GMCL1: variants seen among roughly 807,000 people sequenced by gnomAD.
GMCL1 encodes the protein germ cell-less protein-like 1.
A neutral mutation model predicts 75.5 loss-of-function variants in GMCL1; 54 were observed. The ratio of observed to expected loss-of-function variants is 0.71; its 90% CI spans 0.57 to 0.90. GMCL1 has a LOEUF of 0.90. Ranked by LOEUF, GMCL1 falls within the 40% of genes least tolerant of loss-of-function variation. The pLI, the probability that GMCL1 is intolerant of heterozygous loss-of-function variation, is 0.00. For synonymous variants in GMCL1, 210 were observed against 209.6 expected, an observed-to-expected ratio of 1.00 and a Z score of -0.02; for missense variants, 537 against 622.7, an observed-to-expected ratio of 0.86 and a Z score of 1.47.
chr2:69,829,927 CAA>C lies in GMCL1; in HGVS notation c.36_37del (p.Arg13ThrfsTer52). The C allele has an allele frequency of 6.2e-7, 1 of 1,604,800 alleles. No individual in the cohort carries two copies. Among genetic ancestry groups the C allele is most frequent in the Non-Finnish European group, 8.5e-7 (1 of 1,175,890 alleles). ...TTGAGCAGCCGGGTGCTGCGCCAGC[CAA>C]GACCAGCCCTTGCCCAGCAGGCGCA... On this transcript the variant is annotated frameshift_variant, in exon 1 of 14. Coordinates refer to ENST00000282570, the MANE Select transcript of GMCL1 (RefSeq NM_178439.5). LOFTEE classifies it high-confidence loss of function.
chr2:69,838,906 C>T (rs1674900403), intron 2 of GMCL1, among the ~76,000 whole-genome samples: 1 of 152,166 alleles, frequency 6.6e-6, no homozygotes. Context: ...TACTCAGTAA[C>T]ATTTTTAAAT....
chr2:69,848,146 G>A (rs1675208082), intron 7 of GMCL1, among the ~76,000 whole-genome samples: 1 of 152,190 alleles, frequency 6.6e-6, no homozygotes, highest in South Asian at 2.1e-4. Context: ...CATGTAGATA[G>A]TGAGACTCAG....
intron 1 of GMCL1, among the ~76,000 whole-genome samples, chr2:69,835,263 A>G (rs1674786207): frequency 6.6e-6 from 1 of 152,068 alleles, no homozygotes. Flanking sequence ...AAATTTCAGT[A>G]ATCATGTCTT....
In GMCL1 at chr2:69,880,084, A is replaced by G. The variant is rs538478222; in HGVS notation, c.*1080A>G. 102 of 152,330 alleles carry G rather than the reference A, an allele frequency of 6.7e-4. No individual in the cohort carries two copies. The highest frequency in any genetic ancestry group is 2.4e-3 in the African/African-American group (100 of 41,582). The allele number at this position is 152,330 out of a possible 1,614,324, so 9.4% of individuals were successfully genotyped here. On this transcript the variant is annotated 3_prime_UTR_variant, in exon 14 of 14. Transcript: ENST00000282570. ...GTCAAAAATGAGATGTACACTTGTC[A>G]TGATTTATGTATGTTGACCTTTTGT...
At chr2:69,851,985 C>T (rs1675331593) in intron 8 of GMCL1, among the ~76,000 whole-genome samples, 1 of 152,018 alleles carries the variant, frequency 6.6e-6, no homozygotes, top group Non-Finnish European at 1.5e-5. Flanking sequence ...AACAAAAATA[C>T]TAAACTTGTA....
At chr2:69,868,341 A>G (rs1675879704) in intron 11 of GMCL1, among the ~76,000 whole-genome samples, 1 of 152,188 alleles carries the variant, frequency 6.6e-6, no homozygotes, top group African/African-American at 2.4e-5. Context: ...CCTGGCATAT[A>G]ATATGTGCTC....
chr2:69,874,464 G>A (rs1216922028), intron 13 of GMCL1, among the ~76,000 whole-genome samples: 2 of 152,068 alleles, frequency 1.3e-5, no homozygotes, highest in Non-Finnish European at 2.9e-5. Context: ...AGCCAGGCTG[G>A]TCTTGAACTT....
rs995828080 is a variant in GMCL1, at chr2:69,860,965, C to A, written c.1073-313C>A. Among the ~76,000 whole-genome samples the A allele has an allele frequency of 2.0e-5, 3 of 152,282 alleles. No individual in the cohort carries two copies. In the South Asian group the frequency reaches 6.2e-4, roughly 32 times the overall value. Reference sequence around the variant, plus strand: ...TCAAGCGATTCTCCCGCCTCAGCCCCCCAAGTAGTTGGGATTACAGGCGCC... The same window carrying A: ...TCAAGCGATTCTCCCGCCTCAGCCCACCAAGTAGTTGGGATTACAGGCGCC... On this transcript the variant is annotated intron_variant, in intron 9 of 13. Transcript: ENST00000282570.
intron 8 of GMCL1, among the ~76,000 whole-genome samples, chr2:69,853,321 TA>T (rs1461272906): frequency 1.3e-5 from 2 of 152,246 alleles, no homozygotes; most frequent in African/African-American, 2.4e-5. Context: ...TGAAGTTAAC[TA>T]TTAATTTTTT....
At chr2:69,867,279 C>T (rs553022162) in intron 11 of GMCL1, among the ~76,000 whole-genome samples, 39 of 152,108 alleles carry the variant, frequency 2.6e-4, no homozygotes, top group Non-Finnish European at 1.0e-4. Flanking sequence ...CTCTTATTCT[C>T]GGTCGTGTTG....
At chr2:69,834,311 T>C (rs997415100) in intron 1 of GMCL1, among the ~76,000 whole-genome samples, 2 of 152,212 alleles carry the variant, frequency 1.3e-5, no homozygotes, top group African/African-American at 2.4e-5. Context: ...TGTCTACTCT[T>C]ATGCTGGGAC....
chr2:69,847,513 A>G, intron 6 of GMCL1, 30 bp from the exon 7 acceptor site: 6 of 1,361,980 alleles, frequency 4.4e-6, no homozygotes, highest in Non-Finnish European at 6.3e-6. Context: ...GCCTAAAGAT[A>G]AGCTCACTCC....
At chr2:69,874,933 C>T (rs535236494) in intron 13 of GMCL1, among the ~76,000 whole-genome samples, 5 of 151,676 alleles carry the variant, frequency 3.3e-5, no homozygotes, top group East Asian at 1.9e-4. Flanking sequence ...TTTATAGAGA[C>T]GAGGTTTTGC....
chr2:69,844,177 G>A lies in GMCL1; in HGVS notation c.739G>A (p.Glu247Lys). The A allele has an allele frequency of 6.4e-7, 1 of 1,568,260 alleles. No individual in the cohort carries two copies. Among genetic ancestry groups the A allele is most frequent in the East Asian group, 2.3e-5 (1 of 43,430 alleles). ...CAATTTGATGACTCACCAGAATGTT[G>A]AACTTTTTAAAGAACTCAGGTATTT... ...LNNLMTHQNV[E>K]LFKELSINVM... The change falls in exon 6 of 14, where the codon GAA (glutamate) becomes AAA (lysine). Residue 247 changes from glutamate (E) to lysine (K), a missense_variant. Around this residue, in one of 3 missense-constraint regions of GMCL1, gnomAD observed 345 missense variants for 410.5 expected, o/e 0.84. Transcript: ENST00000282570.
At chr2:69,863,792 A>G (rs1004289650) in intron 10 of GMCL1, among the ~76,000 whole-genome samples, 1 of 152,120 alleles carries the variant, frequency 6.6e-6, no homozygotes, top group African/African-American at 2.4e-5. Flanking sequence ...CTCTCCTTTC[A>G]TGTTCATCTG....
In GMCL1 at chr2:69,869,178, G is replaced by T. The variant is rs190191519; in HGVS notation, c.1219-541G>T. On this transcript the variant is annotated intron_variant, in intron 11 of 13. Coordinates refer to ENST00000282570, the MANE Select transcript of GMCL1 (RefSeq NM_178439.5). ...GCAGGAGAATCGCTTGAACCCGGGAGGTGGAGGTTGTGGTGAGCCAAGATC... is the reference window on the plus strand; with the variant it reads ...GCAGGAGAATCGCTTGAACCCGGGATGTGGAGGTTGTGGTGAGCCAAGATC... Among the ~76,000 whole-genome samples the T allele has an allele frequency of 2.5e-3, 372 of 151,624 alleles. 2 individuals carry two copies. The highest frequency in any genetic ancestry group is 8.7e-3 in the African/African-American group (358 of 41,268).
intron 8 of GMCL1, among the ~76,000 whole-genome samples, chr2:69,853,024 A>AT (rs1418452359): frequency 2.0e-5 from 3 of 152,076 alleles, no homozygotes; most frequent in East Asian, 3.9e-4. Context: ...ACTTTAAAAC[A>AT]TTTTTTTTGG....
intron 2 of GMCL1, among the ~76,000 whole-genome samples, chr2:69,838,028 C>T (rs1674869020): frequency 6.6e-6 from 1 of 151,992 alleles, no homozygotes; most frequent in South Asian, 2.1e-4. Context: ...ATTGGATAAA[C>T]TCATCTGAAA....
In GMCL1 at chr2:69,849,751, G is replaced by C; in HGVS notation, c.934+9G>C. ...TTCTAAACAGAGGAAAGGTAGGCCT[G>C]AAGTTTTTGAGAACTTGTCTTTTAA... On this transcript the variant is annotated intron_variant, in intron 8 of 13. Coordinates refer to ENST00000282570, the MANE Select transcript of GMCL1 (RefSeq NM_178439.5). 6.5e-7 allele frequency: 1 copy of C among 1,531,592 alleles called. No individual in the cohort carries two copies. Among genetic ancestry groups the C allele is most frequent in the Non-Finnish European group, 8.8e-7 (1 of 1,137,232 alleles). 94.9% of individuals were successfully genotyped at this position (1,531,592 alleles called of 1,614,324 possible). A position where few individuals can be genotyped will look rare whatever the true frequency, so the allele number is the denominator to read the frequency against.
Sources: gnomAD v4.1 joint callset for allele counts (sites outside exome capture counted in the v4.1 genomes callset) on GRCh38, gnomAD v4.1.1 for gene constraint, gnomAD v4.1.1 regional missense constraint, MANE v1.5 for transcripts, NCBI Gene and HGNC (gene_info 2026-07-23, HGNC 2026-07-21) for gene names.